Variants in LIMCH1 observed in about 807,000 individuals in gnomAD.
The protein encoded by LIMCH1 is LIM and calponin homology domains-containing protein 1.
Under a neutral mutation model 176.5 loss-of-function variants are expected in LIMCH1, and 113 were observed. That is an observed-to-expected ratio of 0.64 (90% CI 0.55 to 0.75). The LOEUF is 0.75. Ranked by LOEUF, LIMCH1 falls within the 30% of genes least tolerant of loss-of-function variation. LIMCH1 has a pLI of 0.00. For synonymous variants in LIMCH1, 619 were observed against 645.9 expected, an observed-to-expected ratio of 0.96 and a Z score of 0.63; for missense variants, 1,674 against 1,814.9, an observed-to-expected ratio of 0.92 and a Z score of 1.41.
At chr4:41,480,213 C>T (rs1272569137) in intron 1 of LIMCH1, among the ~76,000 whole-genome samples, 2 of 152,148 alleles carry the variant, frequency 1.3e-5, no homozygotes, top group South Asian at 2.1e-4. Flanking sequence ...GTCCAGTTCC[C>T]AAGTGCCAGA....
chr4:41,584,340 A>T (rs971213819), intron 1 of LIMCH1, among the ~76,000 whole-genome samples: 3 of 152,214 alleles, frequency 2.0e-5, no homozygotes, highest in African/African-American at 7.2e-5. Flanking sequence ...ATGATGAGCC[A>T]CAACCAGAGT....
At chr4:41,583,376 T>G (rs1267415656) in intron 1 of LIMCH1, among the ~76,000 whole-genome samples, 3 of 152,210 alleles carry the variant, frequency 2.0e-5, no homozygotes. Context: ...TCAGATATCT[T>G]GTTTTGTGAA....
chr4:41,698,152 T>A lies in LIMCH1; in HGVS notation c.*967T>A, dbSNP rs1414511585. The A allele has an allele frequency of 1.3e-5, 2 of 152,140 alleles. No homozygotes were observed. The highest frequency in any genetic ancestry group is 1.3e-4 in the Admixed American group (2 of 15,274). 9.4% of individuals were successfully genotyped at this position (152,140 alleles called of 1,614,324 possible). On this transcript the variant is annotated 3_prime_UTR_variant, in exon 32 of 32. Transcript: ENST00000503057. ...AGGTGTGAGCACTGCTCACCCTTGC[T>A]GGCAAGTTCTCCTTAAGGGCCTGAA...
chr4:41,403,602 A>T (rs1581619363), intron 1 of LIMCH1, among the ~76,000 whole-genome samples: 1 of 152,174 alleles, frequency 6.6e-6, no homozygotes, highest in East Asian at 1.9e-4. Flanking sequence ...TAAATAAAAT[A>T]AAATTAAGAG....
intron 1 of LIMCH1, among the ~76,000 whole-genome samples, chr4:41,396,737 C>T (rs114262848): frequency 0.028 from 4,208 of 151,960 alleles, 95 homozygotes; most frequent in Middle Eastern, 0.061. Flanking sequence ...CCTGTCCCTA[C>T]TAAAAATACA....
At chr4:41,446,750 C>T (rs1182016933) in intron 1 of LIMCH1, among the ~76,000 whole-genome samples, 1 of 152,092 alleles carries the variant, frequency 6.6e-6, no homozygotes, top group Non-Finnish European at 1.5e-5. Flanking sequence ...TGATAAAAGT[C>T]CTTAATATTT....
intron 31 of LIMCH1, among the ~76,000 whole-genome samples, chr4:41,694,703 A>G (rs139785195): frequency 3.9e-5 from 6 of 152,298 alleles, no homozygotes; most frequent in Admixed American, 1.3e-4. Context: ...TTTTAAATGA[A>G]CATCCTTGTG....
intron 1 of LIMCH1, among the ~76,000 whole-genome samples, chr4:41,386,482 A>G (rs985301921): frequency 6.6e-6 from 1 of 152,268 alleles, no homozygotes; most frequent in Non-Finnish European, 1.5e-5. Flanking sequence ...CCTGAAACAT[A>G]GTAAGCACCA....
At chr4:41,520,127 C>T (rs1020429653) in intron 2 of LIMCH1, among the ~76,000 whole-genome samples, 5 of 152,168 alleles carry the variant, frequency 3.3e-5, no homozygotes, top group Non-Finnish European at 7.3e-5. Flanking sequence ...TTATCTCAGT[C>T]TCTGTTTTAC....
chr4:41,509,470 T>C (rs2074580442), intron 2 of LIMCH1, among the ~76,000 whole-genome samples: 1 of 152,190 alleles, frequency 6.6e-6, no homozygotes, highest in Non-Finnish European at 1.5e-5. Context: ...TTGATAGACT[T>C]TCTATGTAGG....
At chr4:41,674,955 T>C (rs2095167150) in intron 22 of LIMCH1, among the ~76,000 whole-genome samples, 1 of 152,078 alleles carries the variant, frequency 6.6e-6, no homozygotes, top group African/African-American at 2.4e-5. Flanking sequence ...CTGCATAACT[T>C]CCAAGAGCCT....
At position 41,637,174 on chromosome 4, in the gene LIMCH1, C is replaced by CTCCTTTTCCTTT. The variant is rs5857810; in HGVS notation, c.2091-1751_2091-1740dup. ...CTTCAGAATTAATATTGCCCTTGCA[C>CTCCTTTTCCTTT]TCCTTTTCCTTTTCCTTTCCTTTCC... On this transcript the variant is annotated intron_variant, in intron 13 of 31. Transcript: ENST00000503057. 1.7e-3 allele frequency among the ~76,000 whole-genome samples: 253 copies of CTCCTTTTCCTTT among 151,132 alleles called. 1 individual carries two copies. The highest frequency in any genetic ancestry group is 5.8e-3 in the African/African-American group (238 of 41,198).
chr4:41,540,468 G>A (rs2078482695), intron 1 of LIMCH1, among the ~76,000 whole-genome samples: 1 of 152,244 alleles, frequency 6.6e-6, no homozygotes, highest in Non-Finnish European at 1.5e-5. Context: ...GCCAGATGCA[G>A]TGGCTTACGC....
Position 41,671,573 on chromosome 4 carries a change from G to T in LIMCH1, c.3417G>T (p.Glu1139Asp). The change falls in exon 22 of 32, where the codon GAG (glutamate) becomes GAT (aspartate). Residue 1139 changes from glutamate (E) to aspartate (D), a missense_variant. Physicochemically the swap from Glu to Asp is conservative, Grantham distance 45. Transcript: ENST00000503057. ...GTGCAGTGGATTCTCCAAGCAGTGAGAAGTCACCTGTTATGACACCTGTAA... is the reference window on the plus strand; with the variant it reads ...GTGCAGTGGATTCTCCAAGCAGTGATAAGTCACCTGTTATGACACCTGTAA... ...LNSQVDSPSS[E>D]KSPVMTPFKF... is the part of the protein sequence containing the mutation. 6.2e-7 allele frequency: 1 copy of T among 1,605,352 alleles called. No homozygotes were observed. The highest frequency in any genetic ancestry group is 8.5e-7 in the Non-Finnish European group (1 of 1,172,552).
At chr4:41,522,911 C>T (rs926117016) in intron 2 of LIMCH1, among the ~76,000 whole-genome samples, 1 of 152,042 alleles carries the variant, frequency 6.6e-6, no homozygotes, top group African/African-American at 2.4e-5. Flanking sequence ...AAAATAAGTG[C>T]ATTCATGAAA....
rs1219148052 is a variant in LIMCH1, at chr4:41,425,981, G to A, written c.96+65045G>A. On this transcript the variant is annotated intron_variant, in intron 1 of 26. Transcript: ENST00000313860. ...TGAGTGGTTTTGATTTGAAACTAAG[G>A]ATGCTAACTATGAAATCTGAGAGAG... Among the ~76,000 whole-genome samples, 4 of 151,356 alleles carry A rather than the reference G, an allele frequency of 2.6e-5. No individual in the cohort carries two copies. The South Asian group carries it at 6.3e-4, about 24-fold the overall frequency.
chr4:41,679,946 A>C (rs1714300331), intron 23 of LIMCH1, 60 bp from the exon 24 acceptor site: 10 of 1,159,574 alleles, frequency 8.6e-6, no homozygotes, highest in Non-Finnish European at 1.1e-5. Context: ...TTAGGGGGGA[A>C]AATTCCCGAT....
At chr4:41,506,927 A>G (rs982001237) in intron 2 of LIMCH1, among the ~76,000 whole-genome samples, 4 of 152,032 alleles carry the variant, frequency 2.6e-5, no homozygotes, top group African/African-American at 4.8e-5. Flanking sequence ...GACTGCCCCC[A>G]CCCCTCATTT....
chr4:41,644,646 C>T lies in LIMCH1; in HGVS notation c.2253+20C>T. On this transcript the variant is annotated intron_variant, in intron 15 of 31. Coordinates refer to ENST00000503057, the MANE Select transcript of LIMCH1 (RefSeq NM_001330672.2). ...CAAGATGTGAGTTGTGGCCAAGGCG[C>T]GCGGGCAGCGGGGAGGCTTCTGGCA... is the stretch of plus-strand genomic sequence containing the variant. The T allele has an allele frequency of 6.3e-7, 1 of 1,592,660 alleles. No homozygotes were observed. Among genetic ancestry groups the T allele is most frequent in the Non-Finnish European group, 8.6e-7 (1 of 1,167,934 alleles).
Sources: gnomAD v4.1 joint callset for allele counts (sites outside exome capture counted in the v4.1 genomes callset) on GRCh38, gnomAD v4.1.1 for gene constraint, MANE v1.5 for transcripts, NCBI Gene and HGNC (gene_info 2026-07-23, HGNC 2026-07-21) for gene names.